SNX24: variants seen among roughly 807,000 people sequenced by gnomAD.
SNX24 encodes sorting nexin 24, also known as sorting nexin-24.
A neutral mutation model predicts 28.7 loss-of-function variants in SNX24; 22 were observed. The ratio of observed to expected loss-of-function variants is 0.77; its 90% CI spans 0.55 to 1.10. The LOEUF (loss-of-function observed/expected upper bound fraction) is 1.10. Ranked by LOEUF, SNX24 falls within the 50% of genes least tolerant of loss-of-function variation. SNX24 has a pLI of 0.00. For missense variants in SNX24, 221 were observed against 201.1 expected (o/e 1.10, Z -0.60); for synonymous variants, 69 against 71.5 (o/e 0.96, Z 0.18).
At chr5:122,951,421 A>G (rs926098905) in intron 3 of SNX24, among the ~76,000 whole-genome samples, 1 of 152,128 alleles carries the variant, frequency 6.6e-6, no homozygotes, top group African/African-American at 2.4e-5. Context: ...ACATCTAAAA[A>G]TTTTAATTAC....
At chr5:122,855,896 A>T (rs965015082) in intron 1 of SNX24, among the ~76,000 whole-genome samples, 2 of 152,208 alleles carry the variant, frequency 1.3e-5, no homozygotes, top group Admixed American at 6.5e-5. Context: ...AGAGGGAGAG[A>T]GACAGGGAAT....
chr5:122,910,378 T>G (rs190385299), intron 1 of SNX24, among the ~76,000 whole-genome samples: 66 of 152,320 alleles, frequency 4.3e-4, no homozygotes, highest in African/African-American at 1.5e-3. Flanking sequence ...ACCAATGTTA[T>G]TAGAATATAG....
intron 5 of SNX24, among the ~76,000 whole-genome samples, chr5:123,001,686 G>A (rs1447540570): frequency 6.6e-6 from 1 of 152,106 alleles, no homozygotes; most frequent in Non-Finnish European, 1.5e-5. Context: ...AAGATTTTTA[G>A]GAAATCACGT....
intron 3 of SNX24, among the ~76,000 whole-genome samples, chr5:122,977,839 T>C (rs6595423): frequency 0.14 from 21,506 of 152,196 alleles, 1,819 homozygotes; most frequent in East Asian, 0.35. Flanking sequence ...TGAGTTCTTA[T>C]GATGATAGGA....
chr5:122,969,299 T>C (rs1286199739), intron 3 of SNX24, among the ~76,000 whole-genome samples: 1 of 152,206 alleles, frequency 6.6e-6, no homozygotes, highest in Non-Finnish European at 1.5e-5. Flanking sequence ...AGGGCCTCAC[T>C]TCCACATAGC....
intron 1 of SNX24, among the ~76,000 whole-genome samples, chr5:122,900,787 GAAAT>G (rs1233705729): frequency 4.0e-5 from 6 of 151,332 alleles, no homozygotes; most frequent in Non-Finnish European, 5.9e-5. Flanking sequence ...AAAGAAAAAA[GAAAT>G]AAAACAACAG....
At chr5:122,868,534 A>G (rs1755822765) in intron 1 of SNX24, among the ~76,000 whole-genome samples, 1 of 152,130 alleles carries the variant, frequency 6.6e-6, no homozygotes, top group Non-Finnish European at 1.5e-5. Context: ...TCCAAACAAC[A>G]TCCGTATCTG....
chr5:122,990,132 A>C (rs969596701), intron 3 of SNX24, among the ~76,000 whole-genome samples: 2 of 152,158 alleles, frequency 1.3e-5, no homozygotes, highest in Admixed American at 6.5e-5. Context: ...CACTTTTCAT[A>C]CATTGTTTCT....
chr5:122,914,682 G>A (rs376930097), intron 1 of SNX24, among the ~76,000 whole-genome samples: 6 of 150,966 alleles, frequency 4.0e-5, no homozygotes, highest in South Asian at 2.1e-4. Flanking sequence ...GTTTATTTGC[G>A]TAGAGGTGTT....
At chr5:122,872,638 A>G (rs1255914625) in intron 1 of SNX24, among the ~76,000 whole-genome samples, 1 of 152,160 alleles carries the variant, frequency 6.6e-6, no homozygotes, top group Admixed American at 6.5e-5. Flanking sequence ...AATACCTAAT[A>G]CAATGTAAAT....
chr5:122,866,774 A>G (rs966936689), intron 1 of SNX24, among the ~76,000 whole-genome samples: 7 of 152,220 alleles, frequency 4.6e-5, no homozygotes, highest in Non-Finnish European at 8.8e-5. Context: ...AGAGCAATAC[A>G]TGGCACAGTA....
intron 1 of SNX24, among the ~76,000 whole-genome samples, chr5:122,931,574 A>C (rs1581763632): frequency 6.6e-6 from 1 of 152,250 alleles, no homozygotes; most frequent in Non-Finnish European, 1.5e-5. Context: ...TATTTGGTGC[A>C]TCTTGTTCTA....
At chr5:122,895,645 A>T (rs1051540254) in intron 1 of SNX24, among the ~76,000 whole-genome samples, 19 of 152,214 alleles carry the variant, frequency 1.2e-4, no homozygotes, top group African/African-American at 4.6e-4. Flanking sequence ...GTGTCCACGC[A>T]TGCCAGCAGC....
chr5:122,867,434 C>T (rs1755771956), intron 1 of SNX24, among the ~76,000 whole-genome samples: 1 of 152,186 alleles, frequency 6.6e-6, no homozygotes, highest in Non-Finnish European at 1.5e-5. Flanking sequence ...CCATTGTAGT[C>T]AACCTGCTGT....
At chr5:122,893,951 G>A (rs1433285235) in intron 1 of SNX24, among the ~76,000 whole-genome samples, 4 of 152,004 alleles carry the variant, frequency 2.6e-5, no homozygotes, top group African/African-American at 4.8e-5. Flanking sequence ...GGGAAGCTGT[G>A]GCAGGAGAAT....
chr5:122,964,247 C>CAAAAAAAAAAAAAAAAAAAA (rs34174497), intron 3 of SNX24, among the ~76,000 whole-genome samples: 17 of 36,576 alleles, frequency 4.6e-4, no homozygotes, highest in African/African-American at 6.7e-4. Flanking sequence ...GACTCCATCT[C>CAAAAAAAAAAAAAAAAAAAA]AAAAAAAAAA....
At chr5:122,851,836 AT>A (rs1754932902) in intron 1 of SNX24, among the ~76,000 whole-genome samples, 1 of 152,078 alleles carries the variant, frequency 6.6e-6, no homozygotes, top group Admixed American at 6.6e-5. Flanking sequence ...ATTCTGGAGT[AT>A]TTTTAAGCAA....
At chr5:122,993,447 T>C (rs1761940304) in intron 3 of SNX24, among the ~76,000 whole-genome samples, 1 of 151,948 alleles carries the variant, frequency 6.6e-6, no homozygotes, top group South Asian at 2.1e-4. Context: ...TACAGGCGCC[T>C]GCCACCACGC....
intron 3 of SNX24, among the ~76,000 whole-genome samples, chr5:122,950,902 G>A (rs1240747207): frequency 1.3e-5 from 2 of 152,038 alleles, no homozygotes; most frequent in African/African-American, 4.8e-5. Flanking sequence ...ATTGCCCAGG[G>A]TTATGAAAAA....
Sources: gnomAD v4.1 joint callset for allele counts (sites outside exome capture counted in the v4.1 genomes callset) on GRCh38, gnomAD v4.1.1 for gene constraint, MANE v1.5 for transcripts, NCBI Gene and HGNC (gene_info 2026-07-23, HGNC 2026-07-21) for gene names.